Variants in POR observed in about 807,000 individuals in gnomAD.
POR encodes the protein cytochrome p450 oxidoreductase.
In POR, 56 loss-of-function variants were observed where a neutral mutation model predicts 84.0. That is an observed-to-expected ratio of 0.67 (90% CI 0.54 to 0.83). The LOEUF (loss-of-function observed/expected upper bound fraction) is 0.83. Among genes scored for constraint, POR ranks in the 40% least tolerant of loss-of-function variants. POR has a pLI of 0.00. For missense variants in POR, 938 were observed against 944.3 expected, an observed-to-expected ratio of 0.99 and a Z score of 0.09; for synonymous variants, 414 against 400.5, an observed-to-expected ratio of 1.03 and a Z score of -0.40.
chr7:75,982,367 C>T, intron 8 of POR, 45 bp downstream of exon 8: 1 of 1,461,758 alleles, frequency 6.8e-7, no homozygotes, highest in South Asian at 1.2e-5. Context: ...TCTATGGCCA[C>T]TGGTGCACCC....
chr7:75,967,991 C>T (rs534156049), intron 2 of POR: 4 of 453,254 alleles, frequency 8.8e-6, no homozygotes, highest in South Asian at 4.7e-5. Context: ...TGCACAGGGC[C>T]GAACTTTCCA....
chr7:75,980,273 G>C lies in POR; in HGVS notation c.367-66G>C, dbSNP rs1788937545. ...GGGCAGGACCTGGCCTTCCCCATCT[G>C]GTGCGGGTTGAACCTTGAACAGGCT... On this transcript the variant is annotated intron_variant, in intron 4 of 15. Coordinates refer to ENST00000461988, the MANE Select transcript of POR (RefSeq NM_000941.3). 3 of 1,559,546 alleles carry C rather than the reference G, an allele frequency of 1.9e-6. No homozygotes were observed. In the Admixed American group the frequency reaches 5.4e-5, roughly 28 times the overall value.
rs1789485173 is a variant in POR at position 75,986,521 on chromosome 7, T to G, written c.*40T>G. The stretch of plus-strand genomic sequence containing the variant: ...CACCCACCCCACAGACTCCGGCCTG[T>G]AATCAGCTCTCCTGGCTCCCTCCCG... On this transcript the variant is annotated 3_prime_UTR_variant, in exon 16 of 16. Transcript: ENST00000461988. The G allele has an allele frequency of 6.3e-7, 1 of 1,592,258 alleles. No homozygotes were observed.
In POR at chr7:75,981,607, G is replaced by T; in HGVS notation, c.731+1G>T. 6.2e-7 allele frequency: 1 copy of T among 1,612,180 alleles called. No homozygotes were observed. The highest frequency in any genetic ancestry group is 8.5e-7 in the Non-Finnish European group (1 of 1,179,296). The stretch of plus-strand genomic sequence containing the variant: ...TGGAAGCCACTGGCGAGGAGTCCAG[G>T]TGAGCAAGTGCCCGCAGGTGCGGTG... On this transcript the variant is annotated splice_donor_variant, in intron 7 of 15. Coordinates refer to ENST00000461988, the MANE Select transcript of POR (RefSeq NM_000941.3). LOFTEE classifies it high-confidence loss of function.
At chr7:75,971,123 G>C (rs764753532) in intron 2 of POR, 1 of 151,332 alleles carries the variant, frequency 6.6e-6, no homozygotes, top group Non-Finnish European at 1.5e-5. Context: ...CACCAGGCCC[G>C]GCTAATTTTT....
At chr7:75,932,028 T>C (rs1807445921) in intron 1 of POR, among the ~76,000 whole-genome samples, 1 of 152,186 alleles carries the variant, frequency 6.6e-6, no homozygotes, top group East Asian at 1.9e-4. Context: ...TGCTCCCGTC[T>C]CTTCAGCTTA....
chr7:75,974,932 G>A lies in POR; in HGVS notation c.237+2471G>A, dbSNP rs562668449. ...TATTAGGGAGATGAATCTCTTGTCT[G>A]TGATATAAGTTGAAAATATCTTGCC... On this transcript the variant is annotated intron_variant, in intron 3 of 15. Coordinates refer to ENST00000461988, the MANE Select transcript of POR (RefSeq NM_000941.3). Among the ~76,000 whole-genome samples, 109 of 152,072 alleles carry A rather than the reference G, an allele frequency of 7.2e-4. 2 individuals carry two copies. In the South Asian group the frequency reaches 0.021, roughly 30 times the overall value.
intron 1 of POR, among the ~76,000 whole-genome samples, chr7:75,941,239 C>T (rs78906654): frequency 0.027 from 4,118 of 152,254 alleles, 91 homozygotes; most frequent in Non-Finnish European, 0.042. Flanking sequence ...GTGCAAGCAA[C>T]CTCTCCTGCC....
chr7:75,945,701 A>C (rs1477510689), intron 1 of POR, among the ~76,000 whole-genome samples: 2 of 152,156 alleles, frequency 1.3e-5, no homozygotes, highest in Non-Finnish European at 2.9e-5. Context: ...CCCTGGTGCC[A>C]GAGCCTTGTC....
chr7:75,968,368 C>T (rs1024681769), intron 2 of POR: 6 of 431,904 alleles, frequency 1.4e-5, no homozygotes, highest in South Asian at 3.2e-5. Flanking sequence ...AGGACTTGCA[C>T]GCTGCATTTC....
At chr7:75,919,778 C>G (rs1806762599) in intron 1 of POR, among the ~76,000 whole-genome samples, 1 of 152,066 alleles carries the variant, frequency 6.6e-6, no homozygotes. Context: ...GGAACCTGAT[C>G]CTTCTGGTGG....
chr7:75,943,931 G>T (rs782619612), intron 1 of POR: 5 of 449,342 alleles, frequency 1.1e-5, no homozygotes, highest in African/African-American at 8.4e-5. Context: ...AGGGAAATTT[G>T]CAAAAGGGAG....
At chr7:75,931,005 T>C (rs1017845840) in intron 1 of POR, among the ~76,000 whole-genome samples, 59 of 152,144 alleles carry the variant, frequency 3.9e-4, no homozygotes, top group African/African-American at 1.2e-3. Context: ...TAATTTTCTG[T>C]AGAGATGGCG....
chr7:75,986,127 T>C (rs1554559360), intron 14 of POR, 32 bp from the exon 15 acceptor site: 1 of 1,589,564 alleles, frequency 6.3e-7, no homozygotes, highest in African/African-American at 1.3e-5. Context: ...ACAGCCACAG[T>C]GCCCCCCTCA....
chr7:75,921,244 C>T (rs1806844641), intron 1 of POR: 1 of 151,130 alleles, frequency 6.6e-6, no homozygotes, highest in Non-Finnish European at 1.5e-5. Flanking sequence ...CCACCACCAC[C>T]AAGTCCTGTA....
chr7:75,954,024 C>A lies in POR; in HGVS notation c.32C>A (p.Thr11Asn), dbSNP rs1362911934. The A allele has an allele frequency of 2.5e-6, 4 of 1,606,806 alleles. No individual in the cohort carries two copies. The highest frequency in any genetic ancestry group is 3.4e-5 in the Admixed American group (2 of 58,836). The change falls in exon 2 of 16, where the codon ACC (threonine) becomes AAC (asparagine). Residue 11 changes from threonine (T) to asparagine (N), a missense_variant. Coordinates refer to ENST00000461988, the MANE Select transcript of POR (RefSeq NM_000941.3). The stretch of plus-strand genomic sequence containing the variant: ...AACATGGGAGACTCCCACGTGGACA[C>A]CAGCTCCACCGTGTCCGAGGCGGTG...
In POR at chr7:75,984,892, G is replaced by A. The variant is rs1220024534; in HGVS notation, c.1182G>A (p.Gln394=). ...CCAACGTGCTGTACGAGCTGGCGCA[G>A]TACGCCTCGGAGCCCTCGGAGCAGG... The change falls in exon 11 of 16, where the codon CAG becomes CAA. Residue 394 remains glutamine (Q), a synonymous_variant. Transcript: ENST00000461988. 13 of 1,612,256 alleles carry A rather than the reference G, an allele frequency of 8.1e-6. No homozygotes were observed. The highest frequency in any genetic ancestry group is 1.1e-5 in the Non-Finnish European group (13 of 1,179,686).
intron 1 of POR, among the ~76,000 whole-genome samples, chr7:75,923,813 G>A (rs559896853): frequency 1.3e-5 from 2 of 152,036 alleles, no homozygotes; most frequent in Non-Finnish European, 2.9e-5. Flanking sequence ...GCTTGAACCC[G>A]GGAGGCGGAG....
chr7:75,956,162 G>A (rs1787677178), intron 2 of POR, among the ~76,000 whole-genome samples: 2 of 152,262 alleles, frequency 1.3e-5, no homozygotes, highest in East Asian at 3.9e-4. Flanking sequence ...AGCTGGGCGT[G>A]GTGGTGCATG....
Sources: allele counts gnomAD v4.1 joint callset (sites outside exome capture counted in the v4.1 genomes callset), GRCh38; gene constraint gnomAD v4.1.1; transcripts MANE v1.5; gene names NCBI Gene and HGNC (gene_info 2026-07-23, HGNC 2026-07-21).